MAPK4: variants seen among roughly 807,000 people sequenced by gnomAD.
MAPK4 encodes the protein Erk3-related.
A neutral mutation model predicts 47.7 loss-of-function variants in MAPK4; 22 were observed. The observed-to-expected ratio is 0.46, with a 90% confidence interval of 0.33 to 0.66. The LOEUF (loss-of-function observed/expected upper bound fraction) is 0.66. Among genes scored for constraint, MAPK4 ranks in the 30% least tolerant of loss-of-function variants. The probability of loss-of-function intolerance (pLI) is 0.02; values close to 1 mark genes in which losing one functional copy is unlikely to be tolerated. For synonymous variants in MAPK4, 390 were observed against 365.7 expected (o/e 1.07, Z -0.76); for missense variants, 736 against 831.7 (o/e 0.88, Z 1.42).
intron 2 of MAPK4, among the ~76,000 whole-genome samples, chr18:50,679,591 C>T (rs961917551): frequency 3.3e-5 from 5 of 152,112 alleles, no homozygotes; most frequent in African/African-American, 1.2e-4. Context: ...TCTAAGGCCC[C>T]ACTGCTAATG....
intron 2 of MAPK4, among the ~76,000 whole-genome samples, chr18:50,712,632 C>G (rs1418213868): frequency 6.6e-6 from 1 of 151,786 alleles, no homozygotes; most frequent in Non-Finnish European, 1.5e-5. Context: ...GGCAGCCTTA[C>G]CCATGTCAAC....
At chr18:50,607,973 T>C (rs2042596888) in intron 1 of MAPK4, among the ~76,000 whole-genome samples, 1 of 152,258 alleles carries the variant, frequency 6.6e-6, no homozygotes, top group Non-Finnish European at 1.5e-5. Flanking sequence ...CTATCCATTA[T>C]GCTATTTAAT....
At chr18:50,623,708 C>T (rs1047034169) in intron 1 of MAPK4, among the ~76,000 whole-genome samples, 2 of 152,218 alleles carry the variant, frequency 1.3e-5, no homozygotes, top group Non-Finnish European at 2.9e-5. Flanking sequence ...TGTAAACGTG[C>T]AAATCAGACT....
intron 2 of MAPK4, chr18:50,669,106 C>T (rs1360943658): frequency 6.6e-6 from 1 of 152,232 alleles, no homozygotes; most frequent in South Asian, 2.1e-4. Context: ...CCACTCCTGA[C>T]CCAGTGGCCT....
intron 1 of MAPK4, among the ~76,000 whole-genome samples, chr18:50,613,404 G>T (rs1485222526): frequency 6.6e-6 from 1 of 152,196 alleles, no homozygotes; most frequent in Non-Finnish European, 1.5e-5. Context: ...TCCTACAGCT[G>T]CCAGGAAATA....
intron 2 of MAPK4, among the ~76,000 whole-genome samples, chr18:50,698,018 C>G (rs1363575856): frequency 6.6e-6 from 1 of 152,176 alleles, no homozygotes; most frequent in Admixed American, 6.6e-5. Flanking sequence ...ACTCTTCTCC[C>G]CTGAAATCAA....
intron 2 of MAPK4, among the ~76,000 whole-genome samples, chr18:50,665,337 C>A (rs1907538310): frequency 6.6e-6 from 1 of 152,234 alleles, no homozygotes; most frequent in Non-Finnish European, 1.5e-5. Context: ...TTTAGGGGTG[C>A]CTCTGAGCCC....
intron 2 of MAPK4, among the ~76,000 whole-genome samples, chr18:50,700,937 G>C (rs938434476): frequency 6.6e-6 from 1 of 152,074 alleles, no homozygotes; most frequent in Non-Finnish European, 1.5e-5. Context: ...TCACCAGCTT[G>C]TTTAGGTGAA....
chr18:50,635,829 C>T (rs2042881892), intron 1 of MAPK4, among the ~76,000 whole-genome samples: 2 of 152,146 alleles, frequency 1.3e-5, no homozygotes, highest in South Asian at 4.1e-4. Context: ...CCTCTAGGCC[C>T]CATGGTTCGG....
intron 1 of MAPK4, chr18:50,629,705 CA>C (rs1034066282): frequency 3.3e-5 from 5 of 152,240 alleles, no homozygotes; most frequent in Admixed American, 2.0e-4. Flanking sequence ...CTGGAGAAGG[CA>C]GGGGGTTGGG....
intron 2 of MAPK4, among the ~76,000 whole-genome samples, chr18:50,708,748 G>T (rs2091321092): frequency 6.6e-6 from 1 of 152,156 alleles, no homozygotes; most frequent in African/African-American, 2.4e-5. Flanking sequence ...AGGCAGTGGA[G>T]CCCTCTATTC....
intron 1 of MAPK4, among the ~76,000 whole-genome samples, chr18:50,562,951 G>A (rs1371201867): frequency 2.0e-5 from 3 of 152,130 alleles, no homozygotes; most frequent in Non-Finnish European, 4.4e-5. Context: ...TGCCTTGTAT[G>A]TTTATCTTTT....
At chr18:50,668,003 C>T (rs1233168720) in intron 2 of MAPK4, among the ~76,000 whole-genome samples, 3 of 152,190 alleles carry the variant, frequency 2.0e-5, no homozygotes, top group East Asian at 3.9e-4. Flanking sequence ...AGTTGGGGTT[C>T]CCATGGTCCC....
intron 1 of MAPK4, among the ~76,000 whole-genome samples, chr18:50,564,609 C>A (rs1180244907): frequency 6.6e-6 from 1 of 152,190 alleles, no homozygotes; most frequent in Non-Finnish European, 1.5e-5. Context: ...ATTAACATGG[C>A]AGAACTTTTC....
intron 2 of MAPK4, among the ~76,000 whole-genome samples, chr18:50,709,989 C>T (rs907504656): frequency 6.6e-6 from 1 of 152,108 alleles, no homozygotes; most frequent in Non-Finnish European, 1.5e-5. Context: ...CCTTAGGCTC[C>T]CAGGACACAT....
intron 1 of MAPK4, among the ~76,000 whole-genome samples, chr18:50,621,227 C>T (rs2042728964): frequency 6.6e-6 from 1 of 152,280 alleles, no homozygotes; most frequent in African/African-American, 2.4e-5. Context: ...TCCAAACTGC[C>T]TTCTAGACAG....
chr18:50,572,752 G>A (rs1175088988), intron 1 of MAPK4, among the ~76,000 whole-genome samples: 1 of 152,122 alleles, frequency 6.6e-6, no homozygotes, highest in Non-Finnish European at 1.5e-5. Flanking sequence ...AAACAACAGT[G>A]TTTTGCTCTA....
rs966708679 is a variant in MAPK4 at position 50,730,963 on chromosome 18, C to T, written c.*1109C>T. 3 of 152,240 alleles carry T rather than the reference C, an allele frequency of 2.0e-5. No homozygotes were observed. Among genetic ancestry groups the T allele is most frequent in the African/African-American group, 7.2e-5 (3 of 41,438 alleles). The allele number at this position is 152,240 out of a possible 1,614,324, so 9.4% of individuals were successfully genotyped here. On this transcript the variant is annotated 3_prime_UTR_variant, in exon 6 of 6. Coordinates refer to ENST00000400384, the MANE Select transcript of MAPK4 (RefSeq NM_002747.4). ...GTTTCACATGGGACCCAACATCCTT[C>T]ATCAATACTTTCCTGAGTTTGATCA...
At chr18:50,561,333 G>T (rs1406926196) in intron 1 of MAPK4, among the ~76,000 whole-genome samples, 2 of 152,234 alleles carry the variant, frequency 1.3e-5, no homozygotes, top group Non-Finnish European at 2.9e-5. Flanking sequence ...CTGTGTGCAA[G>T]GCAGCTATCT....
Sources: allele counts gnomAD v4.1 joint callset (sites outside exome capture counted in the v4.1 genomes callset), GRCh38; gene constraint gnomAD v4.1.1; transcripts MANE v1.5; gene names NCBI Gene and HGNC (gene_info 2026-07-23, HGNC 2026-07-21).